Variants in CAMKK2 observed in about 807,000 individuals in gnomAD.
The protein encoded by CAMKK2 is calcium/calmodulin-dependent protein kinase kinase 2.
CAMKK2 carries 30 observed loss-of-function variants against 67.2 expected under a neutral mutation model. The ratio of observed to expected loss-of-function variants is 0.45; its 90% CI spans 0.33 to 0.61. CAMKK2 has a LOEUF of 0.61. CAMKK2 is among the 20% of genes least tolerant of loss of function. The pLI, the probability that CAMKK2 is intolerant of heterozygous loss-of-function variation, is 0.02. For synonymous variants in CAMKK2, 322 were observed against 326.2 expected, an observed-to-expected ratio of 0.99 and a Z score of 0.14; for missense variants, 643 against 802.0, an observed-to-expected ratio of 0.80 and a Z score of 2.39.
intron 1 of CAMKK2, among the ~76,000 whole-genome samples, chr12:121,281,073 T>C (rs1195266205): frequency 2.6e-5 from 4 of 152,238 alleles, no homozygotes; most frequent in African/African-American, 7.2e-5. Context: ...CCTACCGACA[T>C]GTGATGTCTC....
At position 121,274,225 on chromosome 12, in the gene CAMKK2, A is replaced by G. The variant is rs1229531741; in HGVS notation, c.302T>C (p.Leu101Pro). The G allele has an allele frequency of 1.2e-6, 2 of 1,609,160 alleles. No individual in the cohort carries two copies. The highest frequency in any genetic ancestry group is 8.5e-7 in the Non-Finnish European group (1 of 1,177,022). ...RPHLSGRKLS[L>P]QERSQGGLAA... ...CAGCCCACCCTGGGACCGCTCTTGC[A>G]GAGACAGCTTGCGACCGGAGAGGTG... Residue 101 changes from leucine (L) to proline (P), a missense_variant, in exon 2 of 17, where the codon CTG becomes CCG. By Grantham distance (98) the Leu-to-Pro change is moderately conservative. This residue lies in a region of CAMKK2 where 483 missense variants were observed against 625.8 expected (regional missense o/e 0.77). Transcript: ENST00000404169.
chr12:121,274,145 A>G lies in CAMKK2; in HGVS notation c.382T>C (p.Tyr128His). Residue 128 changes from tyrosine to histidine, a missense_variant, in exon 2 of 17, where the codon TAC becomes CAC. By Grantham distance (83) the Tyr-to-His change is moderately conservative (BLOSUM62 2). Coordinates refer to ENST00000404169, the MANE Select transcript of CAMKK2 (RefSeq NM_001270485.2). ...GACTGCGGGGAGCTGACGGGTGAGT[A>G]GGGCAGGGACGGGCAGATGCAGCGT... ...NGRCICPSLP[Y>H]SPVSSPQSSP... 1 of 1,589,084 alleles carries G rather than the reference A, an allele frequency of 6.3e-7. No homozygotes were observed. Among genetic ancestry groups the G allele is most frequent in the Non-Finnish European group, 8.6e-7 (1 of 1,165,968 alleles).
intron 1 of CAMKK2, among the ~76,000 whole-genome samples, chr12:121,292,310 G>A (rs1039881577): frequency 6.6e-6 from 1 of 151,828 alleles, no homozygotes; most frequent in Non-Finnish European, 1.5e-5. Flanking sequence ...TGTATTTTTA[G>A]TGGGGACGGG....
At chr12:121,257,390 GCACC>G (rs1892549385) in intron 7 of CAMKK2, among the ~76,000 whole-genome samples, 2 of 152,156 alleles carry the variant, frequency 1.3e-5, no homozygotes, top group East Asian at 3.9e-4. Context: ...GGGACTACAG[GCACC>G]TGCCACCACA....
chr12:121,244,945 A>C (rs1261168713), intron 15 of CAMKK2, among the ~76,000 whole-genome samples, 195 bp downstream of exon 15: 1 of 152,238 alleles, frequency 6.6e-6, no homozygotes, highest in Non-Finnish European at 1.5e-5. Flanking sequence ...CAGGTGGATT[A>C]GCTGTCAGCA....
chr12:121,273,879 C>A (rs1437339002), intron 2 of CAMKK2, among the ~76,000 whole-genome samples, 177 bp downstream of exon 2: 1 of 152,016 alleles, frequency 6.6e-6, no homozygotes, highest in Non-Finnish European at 1.5e-5. Flanking sequence ...TGATTCACGA[C>A]CCCCCTAGGG....
chr12:121,274,981 A>T (rs1896536304), intron 1 of CAMKK2, among the ~76,000 whole-genome samples: 1 of 151,312 alleles, frequency 6.6e-6, no homozygotes, highest in African/African-American at 2.4e-5. Flanking sequence ...TTCCTAACTC[A>T]ATTCCTATAG....
At chr12:121,258,486 C>T (rs956053385) in intron 7 of CAMKK2, among the ~76,000 whole-genome samples, 2 of 152,140 alleles carry the variant, frequency 1.3e-5, no homozygotes, top group African/African-American at 2.4e-5. Flanking sequence ...CATGAGCCAC[C>T]GCACCTGGAC....
intron 1 of CAMKK2, among the ~76,000 whole-genome samples, chr12:121,289,533 T>C (rs1353049614): frequency 6.6e-6 from 1 of 152,188 alleles, no homozygotes; most frequent in Non-Finnish European, 1.5e-5. Flanking sequence ...GGAAATGCTT[T>C]CCATCCCATA....
chr12:121,264,261 T>C (rs1171823196), intron 5 of CAMKK2, among the ~76,000 whole-genome samples: 1 of 152,108 alleles, frequency 6.6e-6, no homozygotes. Context: ...CCAGGGTGAG[T>C]CAATCACTTC....
At chr12:121,284,068 C>T (rs967880740) in intron 1 of CAMKK2, among the ~76,000 whole-genome samples, 3 of 152,326 alleles carry the variant, frequency 2.0e-5, no homozygotes, top group Middle Eastern at 3.4e-3. Flanking sequence ...CCACGGCCCA[C>T]GCCCTCCCCT....
At position 121,287,430 on chromosome 12, in the gene CAMKK2, A is replaced by C. The variant is rs80309158; in HGVS notation, c.-60+9208T>G. Among the ~76,000 whole-genome samples, 1,412 of 151,922 alleles carry C rather than the reference A, an allele frequency of 9.3e-3. 26 individuals are homozygous for C. Among genetic ancestry groups the C allele is most frequent in the African/African-American group, 0.032 (1,333 of 41,424 alleles). ...GCTGCAGATGGAGTCACCGAGACTC[A>C]GAGAAGTTGAGATGACCTCATCCAG... On this transcript the variant is annotated intron_variant, in intron 1 of 16. Coordinates refer to ENST00000404169, the MANE Select transcript of CAMKK2 (RefSeq NM_001270485.2).
chr12:121,281,152 G>A (rs1425684001), intron 1 of CAMKK2, among the ~76,000 whole-genome samples: 4 of 152,224 alleles, frequency 2.6e-5, no homozygotes, highest in Non-Finnish European at 5.9e-5. Context: ...GCCAGCCGAC[G>A]CTTAGGAAAA....
At chr12:121,278,297 T>A (rs570985780) in intron 1 of CAMKK2, among the ~76,000 whole-genome samples, 1 of 152,210 alleles carries the variant, frequency 6.6e-6, no homozygotes, top group Non-Finnish European at 1.5e-5. Context: ...CAAGATACCC[T>A]GAAGTTCAAC....
chr12:121,240,346 CCA>C lies in CAMKK2; in HGVS notation c.*351_*352del. On this transcript the variant is annotated 3_prime_UTR_variant, in exon 17 of 17. Coordinates refer to ENST00000404169, the MANE Select transcript of CAMKK2 (RefSeq NM_001270485.2). This position sits in a 1 kb window ranked among gnomAD's most constrained non-coding sequence, Gnocchi z 4.4. Reference sequence around the variant, plus strand: ...CTCGCCTTTCCACAGTTGTCAAACCCCACACACAGTCACTTGGTATATCTGAC... The same window carrying C: ...CTCGCCTTTCCACAGTTGTCAAACCCCACACAGTCACTTGGTATATCTGAC... 8.1e-7 allele frequency: 1 copy of C among 1,240,434 alleles called. No homozygotes were observed. Among genetic ancestry groups the C allele is most frequent in the Non-Finnish European group, 1.1e-6 (1 of 903,160 alleles). 76.8% of individuals were successfully genotyped at this position (1,240,434 alleles called of 1,614,324 possible).
chr12:121,268,187 C>T (rs1296839593), intron 5 of CAMKK2, among the ~76,000 whole-genome samples: 1 of 149,506 alleles, frequency 6.7e-6, no homozygotes, highest in Admixed American at 6.7e-5. Flanking sequence ...GTGCTGTTTC[C>T]ACTTTTTAGT....
intron 5 of CAMKK2, among the ~76,000 whole-genome samples, chr12:121,267,782 C>T (rs760723213): frequency 1.7e-3 from 252 of 152,166 alleles, no homozygotes; most frequent in Admixed American, 2.6e-3. Flanking sequence ...GTGTGAGCCA[C>T]CGTGCCCGGC....
At chr12:121,272,511 C>T (rs1318392163) in intron 2 of CAMKK2, among the ~76,000 whole-genome samples, 1 of 152,056 alleles carries the variant, frequency 6.6e-6, no homozygotes, top group Non-Finnish European at 1.5e-5. Flanking sequence ...CAATTTTCAT[C>T]TCCAATTATG....
At chr12:121,241,910 G>A (rs1888459078) in intron 16 of CAMKK2, among the ~76,000 whole-genome samples, 1 of 152,224 alleles carries the variant, frequency 6.6e-6, no homozygotes, top group Non-Finnish European at 1.5e-5. Context: ...TCAGCTCTGT[G>A]AGCTCCCATG....
Sources: allele counts gnomAD v4.1 joint callset (sites outside exome capture counted in the v4.1 genomes callset), GRCh38; gene constraint gnomAD v4.1.1; regional missense constraint gnomAD v4.1.1; non-coding constraint Gnocchi (gnomAD v3.1); transcripts MANE v1.5; gene names NCBI Gene and HGNC (gene_info 2026-07-23, HGNC 2026-07-21).